The following SIK2 variants were observed in gnomAD, a reference collection of about 807,000 sequenced individuals.
The protein encoded by SIK2 is salt inducible kinase 2.
In SIK2, 29 loss-of-function variants were observed where a neutral mutation model predicts 103.2. That is an observed-to-expected ratio of 0.28 (90% CI 0.21 to 0.38). The LOEUF (loss-of-function observed/expected upper bound fraction) is 0.38. SIK2 is among the 10% of genes least tolerant of loss of function. The probability of loss-of-function intolerance (pLI) is 1.00; values close to 1 mark genes in which losing one functional copy is unlikely to be tolerated. For synonymous variants in SIK2, 412 were observed against 446.1 expected (o/e 0.92, Z 0.96); for missense variants, 879 against 1,171.0 (o/e 0.75, Z 3.64).
At chr11:111,689,854 A>C (rs748143575) in intron 4 of SIK2, among the ~76,000 whole-genome samples, 2 of 152,018 alleles carry the variant, frequency 1.3e-5, no homozygotes, top group Non-Finnish European at 2.9e-5. Context: ...TCAATATTAC[A>C]TATGTTACAG....
At chr11:111,707,100 A>G (rs973825071) in intron 8 of SIK2, among the ~76,000 whole-genome samples, 1 of 152,176 alleles carries the variant, frequency 6.6e-6, no homozygotes, top group Non-Finnish European at 1.5e-5. Context: ...AGACCGAGAA[A>G]GAAGGAGATA....
chr11:111,615,682 GCA>G (rs938505589), intron 1 of SIK2, among the ~76,000 whole-genome samples: 12 of 152,132 alleles, frequency 7.9e-5, no homozygotes, highest in African/African-American at 2.9e-4. Context: ...AAATTTTAGT[GCA>G]GTTACTAACA....
At position 111,617,828 on chromosome 11, in the gene SIK2, G is replaced by C. The variant is rs138964651; in HGVS notation, c.252+1469G>C. ...ATATACGTCACCATATGTGCCATGT[G>C]TGTTTGTGTATGTGTGTGTGTGTAT... On this transcript the variant is annotated intron_variant, in intron 2 of 14. Coordinates refer to ENST00000304987, the MANE Select transcript of SIK2 (RefSeq NM_015191.3). Among the ~76,000 whole-genome samples the C allele has an allele frequency of 3.0e-3, 455 of 151,696 alleles. 2 individuals are homozygous for C. Among genetic ancestry groups the C allele is most frequent in the African/African-American group, 0.011 (437 of 41,430 alleles).
In SIK2 at chr11:111,725,406, A is replaced by G. The variant is rs114743715; in HGVS notation, c.*1277A>G. 1.6e-3 allele frequency: 241 copies of G among 152,734 alleles called. 2 individuals carry two copies. Among genetic ancestry groups the G allele is most frequent in the African/African-American group, 5.7e-3 (235 of 41,592 alleles). The allele number at this position is 152,734 out of a possible 1,614,324, so 9.5% of individuals were successfully genotyped here. A position where few individuals can be genotyped will look rare whatever the true frequency, so the allele number is the denominator to read the frequency against. On this transcript the variant is annotated 3_prime_UTR_variant, in exon 15 of 15. Transcript: ENST00000304987. ...AAGCAGATCATCTGCCAAACATTAT[A>G]TTACTAATAAAACTTAACCAACACT...
intron 3 of SIK2, among the ~76,000 whole-genome samples, chr11:111,632,476 C>G (rs1242517749): frequency 6.6e-6 from 1 of 152,128 alleles, no homozygotes; most frequent in Non-Finnish European, 1.5e-5. Context: ...TTCTTGAACT[C>G]TTACCATATA....
chr11:111,616,636 A>G (rs971081240), intron 2 of SIK2, among the ~76,000 whole-genome samples: 2 of 152,158 alleles, frequency 1.3e-5, no homozygotes, highest in Non-Finnish European at 2.9e-5. Flanking sequence ...AGATTACTTG[A>G]GTCCAGCCTG....
At chr11:111,621,117 G>T (rs1393591549) in intron 3 of SIK2, among the ~76,000 whole-genome samples, 1 of 152,076 alleles carries the variant, frequency 6.6e-6, no homozygotes, top group South Asian at 2.1e-4. Flanking sequence ...TAAATTACAC[G>T]TATTTAATGC....
chr11:111,647,341 A>G (rs1024091407), intron 3 of SIK2, among the ~76,000 whole-genome samples: 7 of 152,192 alleles, frequency 4.6e-5, no homozygotes, highest in Non-Finnish European at 1.0e-4. Context: ...TTCCCTCCAG[A>G]CATATGACAG....
chr11:111,701,629 G>A lies in SIK2; in HGVS notation c.727+54G>A. The A allele has an allele frequency of 6.3e-7, 1 of 1,580,072 alleles. No individual in the cohort carries two copies. The highest frequency in any genetic ancestry group is 8.6e-7 in the Non-Finnish European group (1 of 1,159,828). On this transcript the variant is annotated intron_variant, in intron 6 of 14. Coordinates refer to ENST00000304987, the MANE Select transcript of SIK2 (RefSeq NM_015191.3). The surrounding 1 kb of genome is among the most constrained non-coding windows in gnomAD (Gnocchi z 4.2). Reference sequence around the variant, plus strand: ...GTTTTACAGTGTTAGTGCTCCAAGTGAAATGCCTAGGTAAAAGCTTCTTTT... The same window carrying A: ...GTTTTACAGTGTTAGTGCTCCAAGTAAAATGCCTAGGTAAAAGCTTCTTTT...
At position 111,712,288 on chromosome 11, in the gene SIK2, A is replaced by G; in HGVS notation, c.1179A>G (p.Ala393=). 1 of 1,614,202 alleles carries G rather than the reference A, an allele frequency of 6.2e-7. No homozygotes were observed. The highest frequency in any genetic ancestry group is 2.2e-5 in the East Asian group (1 of 44,882). Residue 393 remains alanine, a synonymous_variant, in exon 9 of 15, where the codon GCA becomes GCG. Transcript: ENST00000304987. ...TGCGATCTGCCCTCCTCCCCCAGGC[A>G]TCCAACGTGGAGGCCTTTTCATTTC... The part of the protein sequence containing the change: ...RLLRSALLPQ[A]SNVEAFSFPA...
intron 3 of SIK2, among the ~76,000 whole-genome samples, chr11:111,643,305 T>C (rs75759069): frequency 0.024 from 3,666 of 152,082 alleles, 94 homozygotes; most frequent in African/African-American, 0.062. Flanking sequence ...CAGGGCCTGT[T>C]GGAAGGTTGG....
intron 3 of SIK2, among the ~76,000 whole-genome samples, chr11:111,664,262 A>G (rs1472732324): frequency 6.6e-6 from 1 of 152,096 alleles, no homozygotes; most frequent in African/African-American, 2.4e-5. Flanking sequence ...TTTTTCACCA[A>G]AGGGAAAGAT....
intron 3 of SIK2, among the ~76,000 whole-genome samples, chr11:111,639,457 G>T (rs1942153030): frequency 6.6e-6 from 1 of 152,206 alleles, no homozygotes; most frequent in Admixed American, 6.5e-5. Context: ...AAAGCCAGGA[G>T]ATCATAAGCC....
Position 111,629,043 on chromosome 11 carries a change from T to C in SIK2, c.316+8641T>C, listed in dbSNP as rs1226111042. On this transcript the variant is annotated intron_variant, in intron 3 of 14. Coordinates refer to ENST00000304987, the MANE Select transcript of SIK2 (RefSeq NM_015191.3). ...ATCCAGCAGTGGTGTGTCAGCTGAA[T>C]TAGAGGAGGAGAAAAGAAGCCATTT... 3.9e-5 allele frequency among the ~76,000 whole-genome samples: 6 copies of C among 152,042 alleles called. No individual in the cohort carries two copies. In the East Asian group the frequency reaches 1.2e-3, roughly 29 times the overall value.
chr11:111,657,976 A>G (rs1318391106), intron 3 of SIK2, among the ~76,000 whole-genome samples: 2 of 152,194 alleles, frequency 1.3e-5, no homozygotes, highest in African/African-American at 2.4e-5. Context: ...CATGGGCTTA[A>G]TTAATTCCAT....
rs1184854214 is a variant in SIK2 at position 111,616,375 on chromosome 11, A to G, written c.252+16A>G. The G allele has an allele frequency of 1.5e-6, 2 of 1,368,314 alleles. No individual in the cohort carries two copies. The highest frequency in any genetic ancestry group is 1.4e-5 in the African/African-American group (1 of 69,576). The allele number at this position is 1,368,314 out of a possible 1,614,324, so 84.8% of individuals were successfully genotyped here. A position where few individuals can be genotyped will look rare whatever the true frequency, so the allele number is the denominator to read the frequency against. ...ACTTTATCAGGTATGACTCAGCCTAACACTATCTCCATTCATTCCACAAGA... is the reference window on the plus strand; with the variant it reads ...ACTTTATCAGGTATGACTCAGCCTAGCACTATCTCCATTCATTCCACAAGA... On this transcript the variant is annotated intron_variant, in intron 2 of 14. Coordinates refer to ENST00000304987, the MANE Select transcript of SIK2 (RefSeq NM_015191.3).
In SIK2 at chr11:111,726,041, C is replaced by A. The variant is rs957691768; in HGVS notation, c.*1912C>A. 6.6e-6 allele frequency: 1 copy of A among 152,150 alleles called. No homozygotes were observed. Among genetic ancestry groups the A allele is most frequent in the African/African-American group, 2.4e-5 (1 of 41,398 alleles). The allele number at this position is 152,150 out of a possible 1,614,324, so 9.4% of individuals were successfully genotyped here. A position where few individuals can be genotyped will look rare whatever the true frequency, so the allele number is the denominator to read the frequency against. ...GATGATTTCGTGAAATAAAGAACAT[C>A]ATTTCATTTAAGAGATCATTTCATT... On this transcript the variant is annotated 3_prime_UTR_variant, in exon 15 of 15. Coordinates refer to ENST00000304987, the MANE Select transcript of SIK2 (RefSeq NM_015191.3).
At chr11:111,651,093 A>G (rs779511554) in intron 3 of SIK2, among the ~76,000 whole-genome samples, 12 of 152,190 alleles carry the variant, frequency 7.9e-5, no homozygotes, top group Non-Finnish European at 1.8e-4. Context: ...GATGCTTAAT[A>G]TTTCACATAT....
Position 111,719,864 on chromosome 11 carries a change from T to G in SIK2, c.1356T>G (p.Ile452Met). 1 of 1,613,992 alleles carries G rather than the reference T, an allele frequency of 6.2e-7. No individual in the cohort carries two copies. The highest frequency in any genetic ancestry group is 8.5e-7 in the Non-Finnish European group (1 of 1,180,002). The change falls in exon 10 of 15, where the codon ATT becomes ATG. Residue 452 changes from isoleucine (I) to methionine (M), a missense_variant. Transcript: ENST00000304987. ...CCAGCAACATGATGGAGACCTCCAT[T>G]GACGAAGGGCTGGAGACAGAAGGAG... ...SLPSNMMETS[I>M]DEGLETEGEA... is the part of the protein sequence containing the mutation.
Sources: gnomAD v4.1 joint callset for allele counts (sites outside exome capture counted in the v4.1 genomes callset) on GRCh38, gnomAD v4.1.1 for gene constraint, Gnocchi (gnomAD v3.1) non-coding constraint, MANE v1.5 for transcripts, NCBI Gene and HGNC (gene_info 2026-07-23, HGNC 2026-07-21) for gene names.